Variants in LAMC3 observed in about 807,000 individuals in gnomAD.
LAMC3 encodes the protein laminin subunit gamma-3.
Under a neutral mutation model 173.8 loss-of-function variants are expected in LAMC3, and 128 were observed. The ratio of observed to expected loss-of-function variants is 0.74; its 90% confidence interval spans 0.64 to 0.85. LAMC3 has a LOEUF of 0.85. LAMC3 is among the 40% of genes least tolerant of loss of function. LAMC3 has a pLI of 0.00. For synonymous variants in LAMC3, 897 were observed against 909.1 expected, an observed-to-expected ratio of 0.99 and a Z score of 0.24; for missense variants, 2,022 against 2,156.0, an observed-to-expected ratio of 0.94 and a Z score of 1.23.
intron 8 of LAMC3, among the ~76,000 whole-genome samples, chr9:131,047,555 A>C (rs1834193704): frequency 6.7e-6 from 1 of 149,790 alleles, no homozygotes; most frequent in African/African-American, 2.4e-5. Flanking sequence ...TTGCTGTCTT[A>C]GAAATGGAAA....
chr9:131,077,275 C>T lies in LAMC3; in HGVS notation c.3718C>T (p.Gln1240Ter). The change falls in exon 22 of 28, where the codon CAG (glutamine) becomes TAG (stop). Residue 1240 changes from glutamine (Q) to a stop codon, truncating the protein, a stop_gained. Coordinates refer to ENST00000361069, the MANE Select transcript of LAMC3 (RefSeq NM_006059.4). LOFTEE classifies it high-confidence loss of function. ...PEAESVLATV[Q>*]QVGADTAPYL... ...AGCGGAAAGCGTGTTGGCCACCGTGCAGCAAGTTGGCGCAGATACAGCCCC... is the reference window on the plus strand; with the variant it reads ...AGCGGAAAGCGTGTTGGCCACCGTGTAGCAAGTTGGCGCAGATACAGCCCC... 1 of 1,614,088 alleles carries T rather than the reference C, an allele frequency of 6.2e-7. No homozygotes were observed. Among genetic ancestry groups the T allele is most frequent in the Non-Finnish European group, 8.5e-7 (1 of 1,180,036 alleles).
At chr9:131,032,602 T>TTC (rs148698819) in intron 3 of LAMC3, among the ~76,000 whole-genome samples, 8,228 of 118,674 alleles carry the variant, frequency 0.069, 691 homozygotes, top group African/African-American at 0.19. Context: ...CTCACTCGCT[T>TTC]TCTCTCTCTC....
chr9:131,043,765 C>T (rs1191879001), intron 7 of LAMC3, among the ~76,000 whole-genome samples: 2 of 152,164 alleles, frequency 1.3e-5, no homozygotes, highest in African/African-American at 2.4e-5. Context: ...TTGCTACAGG[C>T]AAGAGCTGCC....
chr9:131,068,323 G>T lies in LAMC3; in HGVS notation c.2747+92G>T, dbSNP rs1829977766. On this transcript the variant is annotated intron_variant, in intron 15 of 27. Transcript: ENST00000361069. The stretch of plus-strand genomic sequence containing the variant: ...CCCAGGGAGGGGCCTGGTTTGGAAG[G>T]TGTTGTCCTAGGCCCACTGCCAGGC... 2.2e-6 allele frequency: 3 copies of T among 1,382,948 alleles called. No homozygotes were observed. In the South Asian group the frequency reaches 3.8e-5, roughly 18 times the overall value. The allele number at this position is 1,382,948 out of a possible 1,614,324, so 85.7% of individuals were successfully genotyped here.
Position 131,061,126 on chromosome 9 carries a change from C to T in LAMC3, c.2250C>T (p.Asp750=), listed in dbSNP as rs780037944. The T allele has an allele frequency of 1.4e-5, 23 of 1,613,608 alleles. No individual in the cohort carries two copies. Among genetic ancestry groups the T allele is most frequent in the Middle Eastern group, 1.6e-4 (1 of 6,084 alleles). ...GCAACCCTTTCGCGGGCCAAGCCGA[C>T]GACTGCCAGCCCTGTCCCTGCCCTG... ...FYGNPFAGQA[D]DCQPCPCPGQ... is the part of the protein sequence containing the mutation. The change falls in exon 13 of 28, where the codon GAC becomes GAT. Residue 750 remains aspartate (D), a synonymous_variant. Coordinates refer to ENST00000361069, the MANE Select transcript of LAMC3 (RefSeq NM_006059.4).
At chr9:131,031,981 G>C in intron 2 of LAMC3, 64 bp from the exon 3 acceptor site, 1 of 1,613,378 alleles carries the variant, frequency 6.2e-7, no homozygotes, top group African/African-American at 1.3e-5. Flanking sequence ...TGCCAGCAGA[G>C]CGATGGGGGT....
In LAMC3 at chr9:131,071,641, A is replaced by G; in HGVS notation, c.3211+16A>G. 9 of 1,545,354 alleles carry G rather than the reference A, an allele frequency of 5.8e-6. No individual in the cohort carries two copies. Among genetic ancestry groups the G allele is most frequent in the Non-Finnish European group, 7.9e-6 (9 of 1,142,476 alleles). On this transcript the variant is annotated intron_variant, in intron 18 of 27. Transcript: ENST00000361069. The stretch of plus-strand genomic sequence containing the variant: ...CTGCTTCCAGGTACAGCAGGAGCGC[A>G]GAGCGGGAGGGTGGGAGGCAAGGGG...
At chr9:131,073,368 G>A (rs1481143620) in intron 20 of LAMC3, 47 bp downstream of exon 20, 4 of 1,449,320 alleles carry the variant, frequency 2.8e-6, no homozygotes, top group African/African-American at 1.4e-5. Context: ...TTCTCCTGGG[G>A]GTTCCAGGGT....
chr9:131,027,749 C>T (rs555297128), intron 2 of LAMC3, among the ~76,000 whole-genome samples: 5 of 152,216 alleles, frequency 3.3e-5, no homozygotes, highest in Non-Finnish European at 7.3e-5. Context: ...GTGCTTGGCA[C>T]GTAGAGCGTG....
intron 1 of LAMC3, among the ~76,000 whole-genome samples, chr9:131,010,352 AG>A (rs1353657297): frequency 2.0e-5 from 3 of 152,076 alleles, no homozygotes; most frequent in Non-Finnish European, 4.4e-5. Flanking sequence ...GAAAAAAAGA[AG>A]AAAAAAAAAC....
At chr9:131,053,038 T>G in intron 11 of LAMC3, 73 bp downstream of exon 11, 1 of 1,148,764 alleles carries the variant, frequency 8.7e-7, no homozygotes, top group Non-Finnish European at 1.3e-6. Flanking sequence ...GCTCCGGCGG[T>G]CACAGTCTTG....
chr9:131,076,042 G>C, intron 21 of LAMC3, 77 bp downstream of exon 21: 1 of 1,413,838 alleles, frequency 7.1e-7, no homozygotes, highest in Non-Finnish European at 9.5e-7. Context: ...AAAGGCTGCT[G>C]GTTCCAGAGC....
At chr9:131,036,431 G>T (rs1375661151) in intron 4 of LAMC3, 99 bp downstream of exon 4, 1 of 1,400,302 alleles carries the variant, frequency 7.1e-7, no homozygotes, top group Non-Finnish European at 9.9e-7. Flanking sequence ...CTGCTCCTGG[G>T]TACGCCCCGG....
chr9:131,048,976 C>T (rs983344224), intron 8 of LAMC3, 44 bp from the exon 9 acceptor site: 40 of 1,301,824 alleles, frequency 3.1e-5, no homozygotes, highest in East Asian at 3.0e-4. Flanking sequence ...GACCACCCTC[C>T]GGGGCCTCAC....
chr9:131,051,524 C>T (rs966247367), intron 9 of LAMC3, among the ~76,000 whole-genome samples: 9 of 151,788 alleles, frequency 5.9e-5, no homozygotes, highest in South Asian at 2.1e-4. Flanking sequence ...CCACCATGCC[C>T]GGCTAATTTT....
At chr9:131,070,928 C>G (rs1830026650) in intron 17 of LAMC3, among the ~76,000 whole-genome samples, 1 of 152,110 alleles carries the variant, frequency 6.6e-6, no homozygotes, top group Non-Finnish European at 1.5e-5. Flanking sequence ...TGTGGCTTTT[C>G]AGAACATTTT....
intron 1 of LAMC3, among the ~76,000 whole-genome samples, chr9:131,019,054 G>A (rs1588137162): frequency 6.6e-6 from 1 of 152,226 alleles, no homozygotes; most frequent in East Asian, 1.9e-4. Context: ...CTTGAGGTCA[G>A]GAGTTTGAGA....
chr9:131,072,905 T>A (rs1370158164), intron 19 of LAMC3, 70 bp downstream of exon 19: 8 of 1,413,112 alleles, frequency 5.7e-6, no homozygotes, highest in Non-Finnish European at 6.9e-6. Flanking sequence ...GCCCTCCCAT[T>A]GACCTGGTGA....
In LAMC3 at chr9:131,032,546, TGCTCTCTCTC is replaced by T. The variant is rs1051563935; in HGVS notation, c.809+382_809+391del. Among the ~76,000 whole-genome samples the T allele has an allele frequency of 4.1e-5, 5 of 121,052 alleles. 1 individual carries two copies. The highest frequency in any genetic ancestry group is 2.7e-4 in the African/African-American group (5 of 18,762). 79.4% of individuals were successfully genotyped at this position (121,052 alleles called of 152,430 possible). Reference sequence around the variant, plus strand: ...GCTCTCTCTCGCTGTCTCTCTCTCTTGCTCTCTCTCGCTCTCTCTCTTGCTCTCTCTCGCT... The same window carrying T: ...GCTCTCTCTCGCTGTCTCTCTCTCTTGCTCTCTCTCTTGCTCTCTCTCGCT... On this transcript the variant is annotated intron_variant, in intron 3 of 27. Transcript: ENST00000361069.
Sources: gnomAD v4.1 joint callset for allele counts (sites outside exome capture counted in the v4.1 genomes callset) on GRCh38, gnomAD v4.1.1 for gene constraint, MANE v1.5 for transcripts, NCBI Gene and HGNC (gene_info 2026-07-23, HGNC 2026-07-21) for gene names.